Variants in L3MBTL4 observed in about 807,000 individuals in gnomAD.
L3MBTL4 encodes the protein lethal(3)malignant brain tumor-like protein 4.
A neutral mutation model predicts 84.5 loss-of-function variants in L3MBTL4; 70 were observed. The ratio of observed to expected loss-of-function variants is 0.83; its 90% CI spans 0.68 to 1.01. The LOEUF is 1.01. L3MBTL4 is among the 50% of genes least tolerant of loss of function. L3MBTL4 has a pLI of 0.00. For missense variants in L3MBTL4, 715 were observed against 754.8 expected (o/e 0.95, Z 0.62); for synonymous variants, 274 against 259.8 (o/e 1.05, Z -0.52).
intron 1 of L3MBTL4, among the ~76,000 whole-genome samples, chr18:6,400,678 T>C (rs972194380): frequency 2.6e-5 from 4 of 152,186 alleles, no homozygotes; most frequent in Non-Finnish European, 4.4e-5. Flanking sequence ...TCCCAAATTG[T>C]TGGGATTACA....
intron 8 of L3MBTL4, among the ~76,000 whole-genome samples, chr18:6,240,560 C>T (rs1353136287): frequency 6.6e-6 from 1 of 151,994 alleles, no homozygotes. Flanking sequence ...CTATAATTAG[C>T]CAATCCTGGG....
chr18:6,035,314 T>C (rs1311452527), intron 16 of L3MBTL4, among the ~76,000 whole-genome samples: 3 of 152,236 alleles, frequency 2.0e-5, no homozygotes, highest in South Asian at 2.1e-4. Flanking sequence ...CCATCTTGAA[T>C]TGAATTTTGT....
intron 5 of L3MBTL4, among the ~76,000 whole-genome samples, chr18:6,245,588 C>CTTT (rs776011254): frequency 3.6e-5 from 5 of 137,114 alleles, no homozygotes; most frequent in Non-Finnish European, 4.7e-5. Context: ...AGGTATTTTC[C>CTTT]TTTTTTTTTT....
intron 1 of L3MBTL4, among the ~76,000 whole-genome samples, chr18:6,372,784 G>A (rs2054208171): frequency 6.6e-6 from 1 of 152,082 alleles, no homozygotes; most frequent in Non-Finnish European, 1.5e-5. Flanking sequence ...TGTTTTCTTT[G>A]TGATCATTTT....
At chr18:6,067,556 A>G (rs1009121049) in intron 16 of L3MBTL4, among the ~76,000 whole-genome samples, 1 of 152,106 alleles carries the variant, frequency 6.6e-6, no homozygotes, top group Non-Finnish European at 1.5e-5. Flanking sequence ...TTGAGCTCCA[A>G]GATTCTTTCT....
At chr18:6,028,435 G>A (rs1450365224) in intron 16 of L3MBTL4, among the ~76,000 whole-genome samples, 1 of 152,190 alleles carries the variant, frequency 6.6e-6, no homozygotes, top group Non-Finnish European at 1.5e-5. Context: ...TTCAGTTACT[G>A]TAGCCTTGCA....
chr18:6,159,979 C>G (rs2043255221), intron 13 of L3MBTL4, among the ~76,000 whole-genome samples: 1 of 152,114 alleles, frequency 6.6e-6, no homozygotes, highest in Non-Finnish European at 1.5e-5. Context: ...GCTCTGATTT[C>G]TGAAAGAGTG....
At chr18:6,048,649 T>C (rs1235341374) in intron 16 of L3MBTL4, among the ~76,000 whole-genome samples, 1 of 151,756 alleles carries the variant, frequency 6.6e-6, no homozygotes, top group Non-Finnish European at 1.5e-5. Context: ...ATTAGCCGGG[T>C]GTGGTGGCGG....
intron 13 of L3MBTL4, among the ~76,000 whole-genome samples, chr18:6,148,409 A>C (rs1008646048): frequency 6.6e-6 from 1 of 152,162 alleles, no homozygotes; most frequent in African/African-American, 2.4e-5. Context: ...CCACATAGAC[A>C]ATGTAGAAGC....
Position 6,175,011 on chromosome 18 carries a change from G to A in L3MBTL4, c.982-3069C>T, listed in dbSNP as rs141500097. Among the ~76,000 whole-genome samples, 181 of 151,908 alleles carry A rather than the reference G, an allele frequency of 1.2e-3. 3 individuals carry two copies. The East Asian group carries it at 0.026, about 22-fold the overall frequency. On this transcript the variant is annotated intron_variant, in intron 12 of 18. Coordinates refer to ENST00000317931, the MANE Select transcript of L3MBTL4 (RefSeq NM_001330559.2). The stretch of plus-strand genomic sequence containing the variant: ...GGAATAGTGGTCAAACAAAACCAAC[G>A]CAGAAAGGATAATGGTTAAAACAAA...
At chr18:6,348,682 CA>C (rs2143711501) in intron 1 of L3MBTL4, among the ~76,000 whole-genome samples, 1 of 145,318 alleles carries the variant, frequency 6.9e-6, no homozygotes, top group African/African-American at 2.5e-5. Context: ...AGGTACCAAC[CA>C]AAAAATAAAA....
chr18:6,296,353 G>T (rs1490512088), intron 4 of L3MBTL4, among the ~76,000 whole-genome samples: 1 of 152,178 alleles, frequency 6.6e-6, no homozygotes, highest in African/African-American at 2.4e-5. Context: ...GTAAAGGATA[G>T]ATTTTATTGG....
In L3MBTL4 at chr18:6,217,298, T is replaced by C. The variant is rs1340435645; in HGVS notation, c.785-1463A>G. On this transcript the variant is annotated intron_variant, in intron 10 of 18. Transcript: ENST00000317931. Reference sequence around the variant, plus strand: ...CCTTCTAGGCACCATACCACCCTCCTCAAAGAGAAATCCCTACCCTCGCTT... The same window carrying C: ...CCTTCTAGGCACCATACCACCCTCCCCAAAGAGAAATCCCTACCCTCGCTT... Among the ~76,000 whole-genome samples the C allele has an allele frequency of 2.6e-5, 4 of 152,100 alleles. No individual in the cohort carries two copies. The East Asian group carries it at 7.7e-4, about 29-fold the overall frequency.
At chr18:6,412,159 C>T (rs192842007) in intron 1 of L3MBTL4, among the ~76,000 whole-genome samples, 11 of 152,144 alleles carry the variant, frequency 7.2e-5, no homozygotes, top group Admixed American at 5.2e-4. Context: ...TTCGATAGGT[C>T]CCAGTGTATG....
At chr18:6,080,441 C>T (rs186374053) in intron 16 of L3MBTL4, among the ~76,000 whole-genome samples, 55 of 152,294 alleles carry the variant, frequency 3.6e-4, no homozygotes, top group African/African-American at 1.3e-3. Context: ...CCAACAGATT[C>T]CTCAGCTCTG....
intron 5 of L3MBTL4, among the ~76,000 whole-genome samples, chr18:6,245,073 G>A (rs1376902479): frequency 1.3e-5 from 2 of 152,038 alleles, no homozygotes; most frequent in African/African-American, 4.8e-5. Context: ...GCTAATTTTT[G>A]CAGTTTTAGT....
At chr18:5,971,316 T>C (rs1386086729) in intron 16 of L3MBTL4, among the ~76,000 whole-genome samples, 1 of 152,210 alleles carries the variant, frequency 6.6e-6, no homozygotes, top group Non-Finnish European at 1.5e-5. Context: ...AAGACCTTGC[T>C]GGGAAGCCAG....
At chr18:6,388,759 C>T (rs1265352689) in intron 1 of L3MBTL4, among the ~76,000 whole-genome samples, 3 of 152,164 alleles carry the variant, frequency 2.0e-5, no homozygotes, top group African/African-American at 7.2e-5. Flanking sequence ...AGAGGTGGAA[C>T]TGAGGGGCCA....
chr18:6,339,321 C>T (rs941100256), intron 1 of L3MBTL4, among the ~76,000 whole-genome samples: 1 of 152,194 alleles, frequency 6.6e-6, no homozygotes, highest in African/African-American at 2.4e-5. Context: ...ACAATGTAAT[C>T]AAGCAAGAAA....
Sources: allele counts gnomAD v4.1 joint callset (sites outside exome capture counted in the v4.1 genomes callset), GRCh38; gene constraint gnomAD v4.1.1; transcripts MANE v1.5; gene names NCBI Gene and HGNC (gene_info 2026-07-23, HGNC 2026-07-21).